OR4M1: variants seen among roughly 807,000 people sequenced by gnomAD.
OR4M1 encodes the protein olfactory receptor family 4 subfamily M member 1.
Under a neutral mutation model 9.8 loss-of-function variants are expected in OR4M1, and 7 were observed. That is an observed-to-expected ratio of 0.71 (90% CI 0.41 to 1.34). OR4M1 has a LOEUF of 1.34. OR4M1 is among the 40% of genes most tolerant of loss of function. The pLI, the probability that OR4M1 is intolerant of heterozygous loss-of-function variation, is 0.01. For missense variants in OR4M1, 331 were observed against 380.4 expected (o/e 0.87, Z 1.08); for synonymous variants, 121 against 139.8 (o/e 0.87, Z 0.95).
intron 1 of OR4M1, among the ~76,000 whole-genome samples, chr14:19,775,982 A>G (rs1298446734): frequency 6.6e-6 from 1 of 152,054 alleles, no homozygotes; most frequent in Non-Finnish European, 1.5e-5. Flanking sequence ...ATTTTCTGCT[A>G]CTGGTTTATT....
chr14:19,776,867 G>A (rs1212126525), intron 1 of OR4M1, among the ~76,000 whole-genome samples: 5 of 151,778 alleles, frequency 3.3e-5, no homozygotes, highest in Non-Finnish European at 5.9e-5. Flanking sequence ...TGCCATTGTG[G>A]AGTTCAAATT....
intron 1 of OR4M1, among the ~76,000 whole-genome samples, chr14:19,775,510 T>C (rs1956124175): frequency 6.7e-6 from 1 of 150,134 alleles, no homozygotes; most frequent in South Asian, 2.1e-4. Context: ...TATCTAAGTA[T>C]ATTAAAAGAG....
intron 1 of OR4M1, among the ~76,000 whole-genome samples, chr14:19,778,349 G>A (rs1878370541): frequency 1.3e-5 from 2 of 152,202 alleles, no homozygotes; most frequent in African/African-American, 4.8e-5. Context: ...GGAGGAAGGG[G>A]TGATTTGTGT....
intron 1 of OR4M1, among the ~76,000 whole-genome samples, chr14:19,779,889 G>T (rs1878415736): frequency 6.6e-6 from 1 of 152,198 alleles, no homozygotes; most frequent in East Asian, 1.9e-4. Context: ...AGGTTGGCAT[G>T]ATTTTGCAAC....
chr14:19,779,618 G>A (rs1878404910), intron 1 of OR4M1, among the ~76,000 whole-genome samples: 1 of 152,312 alleles, frequency 6.6e-6, no homozygotes, highest in African/African-American at 2.4e-5. Flanking sequence ...CTGCAATGGT[G>A]AGCAAATTTC....
At chr14:19,776,026 C>T (rs1222048671) in intron 1 of OR4M1, among the ~76,000 whole-genome samples, 4 of 152,074 alleles carry the variant, frequency 2.6e-5, no homozygotes, top group Non-Finnish European at 4.4e-5. Flanking sequence ...TTCCTATACC[C>T]GTCTATATGG....
chr14:19,776,416 C>T (rs765201008), intron 1 of OR4M1, among the ~76,000 whole-genome samples: 2 of 152,194 alleles, frequency 1.3e-5, no homozygotes, highest in African/African-American at 2.4e-5. Context: ...TACCTGTACT[C>T]CTGGGTATTT....
intron 1 of OR4M1, among the ~76,000 whole-genome samples, chr14:19,779,786 G>A (rs961402909): frequency 6.6e-6 from 1 of 152,248 alleles, no homozygotes; most frequent in Non-Finnish European, 1.5e-5. Flanking sequence ...TGTCCATTCA[G>A]TACTTATGAA....
rs764221305 is a variant in OR4M1, at chr14:19,781,260, A to G, written c.938A>G (p.Lys313Arg). 21 of 1,601,256 alleles carry G rather than the reference A, an allele frequency of 1.3e-5. No individual in the cohort carries two copies. The Admixed American group carries it at 1.9e-4, about 14-fold the overall frequency. ...VVTKYILCEEK is the reference protein window; with the variant it reads ...VVTKYILCEER ...ACCAAATATATTTTGTGTGAAGAGA[A>G]GTGAAAGATAAATTATACATTTTAT... Residue 313 changes from lysine to arginine, a missense_variant, in exon 2 of 2, where the codon AAG becomes AGG. Physicochemically the swap from Lys to Arg is conservative, Grantham distance 26. Around this residue, in one of 2 missense-constraint regions of OR4M1, gnomAD observed 122 missense variants for 180.5 expected, o/e 0.68. Coordinates refer to ENST00000641200, the MANE Select transcript of OR4M1 (RefSeq NM_001005500.2).
rs1281542702 is a variant in OR4M1 at position 19,780,880 on chromosome 14, G to C, written c.558G>C (p.Arg186=). The change falls in exon 2 of 2, where the codon CGG becomes CGC. Residue 186 remains arginine, a synonymous_variant. Coordinates refer to ENST00000641200, the MANE Select transcript of OR4M1 (RefSeq NM_001005500.2). ...TCTGTGACATCACACAGGTTGTCCG[G>C]ATTGCCTGTGCCAACACCTTCCCAG... ...SYFCDITQVV[R]IACANTFPEE... 6.2e-7 allele frequency: 1 copy of C among 1,614,196 alleles called. No individual in the cohort carries two copies. Among genetic ancestry groups the C allele is most frequent in the East Asian group, 2.2e-5 (1 of 44,874 alleles).
chr14:19,777,048 A>ATATATATG (rs1878336308), intron 1 of OR4M1, among the ~76,000 whole-genome samples: 2 of 118,278 alleles, frequency 1.7e-5, no homozygotes, highest in African/African-American at 6.6e-5. Context: ...ATATATATAT[A>ATATATATG]TTGTTTGTTT....
chr14:19,774,480 A>G (rs1206646754), intron 1 of OR4M1, among the ~76,000 whole-genome samples: 2 of 152,242 alleles, frequency 1.3e-5, no homozygotes, highest in South Asian at 4.1e-4. Context: ...CCATGACCTC[A>G]AGGAGCTCAG....
In OR4M1 at chr14:19,782,554, CTATT is replaced by C. The variant is rs1878532725; in HGVS notation, c.*1297_*1300del. On this transcript the variant is annotated 3_prime_UTR_variant, in exon 2 of 2. Transcript: ENST00000641200. ...AATCGTATAACTATTCCTAGAGTTA[CTATT>C]TATTTACAGAGATTTATTTATTAAT... 1 of 152,130 alleles carries C rather than the reference CTATT, an allele frequency of 6.6e-6. No homozygotes were observed. Among genetic ancestry groups the C allele is most frequent in the Non-Finnish European group, 1.5e-5 (1 of 68,018 alleles). The allele number at this position is 152,130 out of a possible 1,614,324, so 9.4% of individuals were successfully genotyped here.
Position 19,780,234 on chromosome 14 carries a change from A to G in OR4M1, c.-29-60A>G, listed in dbSNP as rs1219903715. ...GAAAACGTATGACAATTTTGAAAGC[A>G]GTGATATAACTCTAGATAAATGCTA... On this transcript the variant is annotated intron_variant, in intron 1 of 1. Transcript: ENST00000641200. 5.2e-6 allele frequency: 7 copies of G among 1,349,768 alleles called. No homozygotes were observed. The South Asian group carries it at 1.0e-4, about 20-fold the overall frequency. 83.6% of individuals were successfully genotyped at this position (1,349,768 alleles called of 1,614,324 possible). A position where few individuals can be genotyped will look rare whatever the true frequency, so the allele number is the denominator to read the frequency against.
chr14:19,779,266 A>AT (rs1248939159), intron 1 of OR4M1, among the ~76,000 whole-genome samples: 1 of 152,192 alleles, frequency 6.6e-6, no homozygotes, highest in Non-Finnish European at 1.5e-5. Flanking sequence ...TTAATATTTA[A>AT]TTTTTTAAGC....
At chr14:19,778,241 G>T (rs1325101389) in intron 1 of OR4M1, among the ~76,000 whole-genome samples, 1 of 152,122 alleles carries the variant, frequency 6.6e-6, no homozygotes, top group Non-Finnish European at 1.5e-5. Context: ...ATGTATGTTT[G>T]TCTTTTCAAG....
In OR4M1 at chr14:19,782,803, G is replaced by C. The variant is rs1363812756; in HGVS notation, c.*1539G>C. ...TCATCACCTGGAAGTGAATAAAGCA[G>C]TAGACTTCTCTAACATTTTGTAACA... is the stretch of plus-strand genomic sequence containing the variant. On this transcript the variant is annotated 3_prime_UTR_variant, in exon 2 of 2. Coordinates refer to ENST00000641200, the MANE Select transcript of OR4M1 (RefSeq NM_001005500.2). 1 of 152,134 alleles carries C rather than the reference G, an allele frequency of 6.6e-6. No homozygotes were observed. The highest frequency in any genetic ancestry group is 2.4e-5 in the African/African-American group (1 of 41,434). The allele number at this position is 152,134 out of a possible 1,614,324, so 9.4% of individuals were successfully genotyped here.
chr14:19,778,055 T>A (rs1276151304), intron 1 of OR4M1, among the ~76,000 whole-genome samples: 4 of 152,242 alleles, frequency 2.6e-5, no homozygotes. Flanking sequence ...TGTGGAGGGA[T>A]GAATCCTTTG....
intron 1 of OR4M1, among the ~76,000 whole-genome samples, chr14:19,773,825 C>G (rs1246181190): frequency 6.6e-6 from 1 of 152,226 alleles, no homozygotes; most frequent in Admixed American, 6.5e-5. Flanking sequence ...ATAATTAAAG[C>G]ATTTTAAAGT....
Sources: allele counts gnomAD v4.1 joint callset (sites outside exome capture counted in the v4.1 genomes callset), GRCh38; gene constraint gnomAD v4.1.1; regional missense constraint gnomAD v4.1.1; transcripts MANE v1.5; gene names NCBI Gene and HGNC (gene_info 2026-07-23, HGNC 2026-07-21).